ZMAT4: variants seen among roughly 807,000 people sequenced by gnomAD.
ZMAT4 encodes zinc finger matrin-type 4.
Under a neutral mutation model 28.7 loss-of-function variants are expected in ZMAT4, and 17 were observed. The observed-to-expected ratio is 0.59, with a 90% CI of 0.41 to 0.89. The LOEUF is 0.89. Among genes scored for constraint, ZMAT4 ranks in the 40% least tolerant of loss-of-function variants. The pLI, the probability that ZMAT4 is intolerant of heterozygous loss-of-function variation, is 0.00. For synonymous variants in ZMAT4, 117 were observed against 109.2 expected, an observed-to-expected ratio of 1.07 and a Z score of -0.44; for missense variants, 240 against 283.8, an observed-to-expected ratio of 0.85 and a Z score of 1.11.
intron 1 of ZMAT4, among the ~76,000 whole-genome samples, chr8:40,874,191 C>T (rs1817958388): frequency 6.6e-6 from 1 of 152,178 alleles, no homozygotes; most frequent in South Asian, 2.1e-4. Context: ...ACTCAGCACC[C>T]CAGTGAATGC....
intron 1 of ZMAT4, among the ~76,000 whole-genome samples, chr8:40,831,188 G>A (rs1010071494): frequency 2.6e-5 from 4 of 152,096 alleles, no homozygotes; most frequent in Non-Finnish European, 4.4e-5. Flanking sequence ...AAGATGGCTC[G>A]TTTCCACTGA....
At position 40,589,655 on chromosome 8, in the gene ZMAT4, C is replaced by T. The variant is rs183998300; in HGVS notation, c.578-8394G>A. The stretch of plus-strand genomic sequence containing the variant: ...CAAGCAGAATTGATCTTTGTAACTG[C>T]GCTAATACCATTGGTGACATGAAAC... On this transcript the variant is annotated intron_variant, in intron 5 of 6. Transcript: ENST00000297737. 8.5e-5 allele frequency among the ~76,000 whole-genome samples: 13 copies of T among 152,186 alleles called. No individual in the cohort carries two copies. In the East Asian group the frequency reaches 1.7e-3, roughly 20 times the overall value.
At position 40,619,565 on chromosome 8, in the gene ZMAT4, G is replaced by T. The variant is rs183718241; in HGVS notation, c.578-38304C>A. On this transcript the variant is annotated intron_variant, in intron 5 of 6. Transcript: ENST00000297737. ...GCACTGCACTGTTGGCAAGCAGGCA[G>T]AGAGCAGCGGCAGAACCTGATTCTC... Among the ~76,000 whole-genome samples the T allele has an allele frequency of 5.3e-5, 8 of 152,292 alleles. No homozygotes were observed. The East Asian group carries it at 1.5e-3, about 30-fold the overall frequency.
chr8:40,839,283 C>A (rs113999053), intron 1 of ZMAT4, among the ~76,000 whole-genome samples: 1 of 152,186 alleles, frequency 6.6e-6, no homozygotes, highest in African/African-American at 2.4e-5. Flanking sequence ...CAAGGGCCAG[C>A]GACAGGCAGC....
At chr8:40,663,288 G>A (rs746364433) in intron 5 of ZMAT4, among the ~76,000 whole-genome samples, 25 of 152,092 alleles carry the variant, frequency 1.6e-4, no homozygotes, top group Non-Finnish European at 1.2e-4. Context: ...GTTGGAAGTC[G>A]TTTTTTTCTG....
At chr8:40,647,072 C>A (rs1431561457) in intron 5 of ZMAT4, among the ~76,000 whole-genome samples, 1 of 152,072 alleles carries the variant, frequency 6.6e-6, no homozygotes, top group Non-Finnish European at 1.5e-5. Flanking sequence ...GGGGGAGGAG[C>A]CAAGATGGCC....
At chr8:40,629,369 T>C (rs375030568) in intron 5 of ZMAT4, among the ~76,000 whole-genome samples, 1 of 43,298 alleles carries the variant, frequency 2.3e-5, no homozygotes, top group Non-Finnish European at 9.2e-5. Flanking sequence ...TATTGGGAAA[T>C]TTTTTTTTGA....
At chr8:40,863,450 G>A (rs930329654) in intron 1 of ZMAT4, among the ~76,000 whole-genome samples, 11 of 152,174 alleles carry the variant, frequency 7.2e-5, no homozygotes, top group Non-Finnish European at 1.3e-4. Flanking sequence ...AAGGGAGAAG[G>A]AGAATCAAGA....
intron 2 of ZMAT4, among the ~76,000 whole-genome samples, chr8:40,773,399 T>G (rs1211015258): frequency 6.6e-6 from 1 of 152,152 alleles, no homozygotes; most frequent in East Asian, 1.9e-4. Context: ...ATCAGAAGAT[T>G]CTAAAAGGCT....
At chr8:40,835,512 C>T (rs17647637) in intron 1 of ZMAT4, among the ~76,000 whole-genome samples, 8 of 152,152 alleles carry the variant, frequency 5.3e-5, no homozygotes, top group Non-Finnish European at 1.0e-4. Context: ...ACAAGCTGAA[C>T]GACTACAGGA....
intron 3 of ZMAT4, among the ~76,000 whole-genome samples, chr8:40,704,736 A>G (rs888365751): frequency 1.3e-5 from 2 of 152,180 alleles, no homozygotes; most frequent in Non-Finnish European, 2.9e-5. Context: ...AACCATTTCT[A>G]ATTTGGTCAC....
rs1021250515 is a variant in ZMAT4, at chr8:40,680,230, T to C, written c.350-5299A>G. ...ATTTACTTTCAAACAGGAAACCTTT[T>C]ACTCTGACTTGTTTATCCTGGCATC... On this transcript the variant is annotated intron_variant, in intron 4 of 6. Coordinates refer to ENST00000297737, the MANE Select transcript of ZMAT4 (RefSeq NM_024645.3). 9.3e-4 allele frequency among the ~76,000 whole-genome samples: 142 copies of C among 152,186 alleles called. 2 individuals are homozygous for C. Among genetic ancestry groups the C allele is most frequent in the Non-Finnish European group, 4.4e-5 (3 of 68,024 alleles).
At chr8:40,607,151 G>A (rs1229472842) in intron 5 of ZMAT4, among the ~76,000 whole-genome samples, 1 of 107,970 alleles carries the variant, frequency 9.3e-6, no homozygotes, top group African/African-American at 3.7e-5. Context: ...TTGAGATGGA[G>A]TCTCACTCTG....
chr8:40,820,303 C>T (rs969992467), intron 2 of ZMAT4, among the ~76,000 whole-genome samples: 4 of 136,524 alleles, frequency 2.9e-5, no homozygotes, highest in South Asian at 2.5e-4. Context: ...TATGTGTGTG[C>T]GGGTGTGGGT....
chr8:40,680,756 TC>T (rs1809128095), intron 4 of ZMAT4, among the ~76,000 whole-genome samples: 1 of 150,940 alleles, frequency 6.6e-6, no homozygotes, highest in African/African-American at 2.4e-5. Context: ...TCTCTCTACA[TC>T]CCCCATCAAG....
intron 2 of ZMAT4, among the ~76,000 whole-genome samples, chr8:40,783,329 C>G (rs57050738): frequency 0.13 from 19,649 of 152,136 alleles, 1,816 homozygotes; most frequent in East Asian, 0.37. Context: ...TGATTCTACA[C>G]ATAAAAATAT....
At chr8:40,613,175 TCTTTC>T (rs1805865613) in intron 5 of ZMAT4, among the ~76,000 whole-genome samples, 1 of 62,212 alleles carries the variant, frequency 1.6e-5, no homozygotes, top group African/African-American at 5.0e-5. Context: ...TTTCTTACTT[TCTTTC>T]TTTTTTTTTT....
At chr8:40,734,729 C>A (rs1038441034) in intron 3 of ZMAT4, among the ~76,000 whole-genome samples, 4 of 152,100 alleles carry the variant, frequency 2.6e-5, no homozygotes, top group Non-Finnish European at 5.9e-5. Context: ...AGCAACTATT[C>A]CAGAACACCA....
chr8:40,872,667 C>T (rs561998404), intron 1 of ZMAT4, among the ~76,000 whole-genome samples: 1 of 152,190 alleles, frequency 6.6e-6, no homozygotes, highest in Admixed American at 6.5e-5. Flanking sequence ...CACACCCCCT[C>T]AGATAATGCC....
Sources: allele counts gnomAD v4.1 joint callset (sites outside exome capture counted in the v4.1 genomes callset), GRCh38; gene constraint gnomAD v4.1.1; transcripts MANE v1.5; gene names NCBI Gene and HGNC (gene_info 2026-07-23, HGNC 2026-07-21).